Variants in HMOX2 observed in about 807,000 individuals in gnomAD.
HMOX2 encodes the protein heme oxygenase (decycling) 2.
HMOX2 carries 30 observed loss-of-function variants against 33.7 expected under a neutral mutation model. The observed-to-expected ratio is 0.89, with a 90% CI of 0.67 to 1.21. The LOEUF (loss-of-function observed/expected upper bound fraction) is 1.21, where lower values mean the gene tolerates loss of function less well. Among genes scored for constraint, HMOX2 ranks in the 50% most tolerant of loss-of-function variants. HMOX2 has a pLI of 0.00. For synonymous variants in HMOX2, 155 were observed against 155.0 expected, an observed-to-expected ratio of 1.00 and a Z score of 0.00; for missense variants, 403 against 399.1, an observed-to-expected ratio of 1.01 and a Z score of -0.08.
intron 2 of HMOX2, among the ~76,000 whole-genome samples, chr16:4,506,084 A>G (rs1441301293): frequency 6.6e-6 from 1 of 151,284 alleles, no homozygotes; most frequent in Non-Finnish European, 1.5e-5. Context: ...TTTTTTTTTT[A>G]TCCCTTGAAA....
rs867378191 is a variant in HMOX2 at position 4,509,825 on chromosome 16, G to A, written c.*69G>A. On this transcript the variant is annotated 3_prime_UTR_variant, in exon 6 of 6. Transcript: ENST00000570646. ...CTGGCCTACCCCTTTCTCCAGCCCTGACTAAACTACCACCTCAGGTGACTT... is the reference window on the plus strand; with the variant it reads ...CTGGCCTACCCCTTTCTCCAGCCCTAACTAAACTACCACCTCAGGTGACTT... The A allele has an allele frequency of 2.2e-5, 34 of 1,515,732 alleles. No homozygotes were observed. Among genetic ancestry groups the A allele is most frequent in the Middle Eastern group, 4.7e-4 (2 of 4,230 alleles). 93.9% of individuals were successfully genotyped at this position (1,515,732 alleles called of 1,614,324 possible). A position where few individuals can be genotyped will look rare whatever the true frequency, so the allele number is the denominator to read the frequency against.
chr16:4,508,568 A>C (rs1479991047), intron 4 of HMOX2, among the ~76,000 whole-genome samples: 5 of 152,182 alleles, frequency 3.3e-5, no homozygotes, highest in Non-Finnish European at 7.3e-5. Flanking sequence ...AAGTTAATAG[A>C]GAGCCAGTGC....
chr16:4,505,763 T>C (rs568513175), intron 2 of HMOX2, among the ~76,000 whole-genome samples, 153 bp downstream of exon 2: 1 of 152,350 alleles, frequency 6.6e-6, no homozygotes, highest in African/African-American at 2.4e-5. Context: ...AGGGACCGCA[T>C]ACAGCTTCGG....
chr16:4,484,460 C>CTTTTTTTT (rs58092240), intron 1 of HMOX2, among the ~76,000 whole-genome samples: 2 of 118,294 alleles, frequency 1.7e-5, no homozygotes, highest in Non-Finnish European at 1.7e-5. Context: ...CTTTTCTTTT[C>CTTTTTTTT]TTTTTTTTTT....
chr16:4,484,432 T>C (rs1278622954), intron 1 of HMOX2, among the ~76,000 whole-genome samples: 1 of 150,980 alleles, frequency 6.6e-6, no homozygotes, highest in African/African-American at 2.4e-5. Context: ...GGTACCAAGA[T>C]CCAGGATGCT....
chr16:4,477,185 C>A (rs1333059126), intron 1 of HMOX2, among the ~76,000 whole-genome samples: 1 of 152,078 alleles, frequency 6.6e-6, no homozygotes, highest in Non-Finnish European at 1.5e-5. Context: ...TTGCACGAGG[C>A]CTGCCTGTGT....
intron 1 of HMOX2, among the ~76,000 whole-genome samples, chr16:4,490,288 C>T (rs1196928252): frequency 6.6e-6 from 1 of 152,132 alleles, no homozygotes; most frequent in Non-Finnish European, 1.5e-5. Context: ...CTGACTGAAG[C>T]AGGGTATGGG....
Position 4,506,941 on chromosome 16 carries a change from C to T in HMOX2, c.133C>T (p.His45Tyr), listed in dbSNP as rs778442977. The change falls in exon 3 of 6, where the codon CAC becomes TAC. Residue 45 changes from histidine (H) to tyrosine (Y), a missense_variant. Physicochemically the swap from His to Tyr is moderately conservative, Grantham distance 83 (BLOSUM62 2). Transcript: ENST00000570646. The stretch of plus-strand genomic sequence containing the variant: ...CCTGAAGGAAGGGACCAAGGAAGCA[C>T]ACGACCGGGCAGAAAACACCCAGTT... ...ELLKEGTKEA[H>Y]DRAENTQFVK... 1.9e-6 allele frequency: 3 copies of T among 1,613,990 alleles called. No individual in the cohort carries two copies. The African/African-American group carries it at 4.0e-5, about 22-fold the overall frequency.
intron 1 of HMOX2, among the ~76,000 whole-genome samples, chr16:4,487,001 T>A (rs998612326): frequency 1.3e-5 from 2 of 152,230 alleles, no homozygotes; most frequent in Non-Finnish European, 2.9e-5. Flanking sequence ...GGCCCACGCC[T>A]GTAATCCCAG....
chr16:4,505,574 A>G lies in HMOX2; in HGVS notation c.50A>G (p.Lys17Arg). The G allele has an allele frequency of 6.2e-7, 1 of 1,603,934 alleles. No homozygotes were observed. Among genetic ancestry groups the G allele is most frequent in the Non-Finnish European group, 8.5e-7 (1 of 1,174,626 alleles). Residue 17 changes from lysine to arginine, a missense_variant, in exon 2 of 6, where the codon AAG becomes AGG. Coordinates refer to ENST00000570646, the MANE Select transcript of HMOX2 (RefSeq NM_002134.4). ...GAGGGGGTAGACGAGTCAGAAAAAAAGAACTCTGGGGCCCTAGAAAAGGAG... is the reference window on the plus strand; with the variant it reads ...GAGGGGGTAGACGAGTCAGAAAAAAGGAACTCTGGGGCCCTAGAAAAGGAG... ...TSEGVDESEKKNSGALEKENQ... is the reference protein window; with the variant it reads ...TSEGVDESEKRNSGALEKENQ...
At chr16:4,489,805 T>C (rs2058262471) in intron 1 of HMOX2, among the ~76,000 whole-genome samples, 1 of 152,002 alleles carries the variant, frequency 6.6e-6, no homozygotes, top group Non-Finnish European at 1.5e-5. Context: ...GCAACAGAGA[T>C]CTCCATATGT....
chr16:4,476,851 G>C (rs1245267696), intron 1 of HMOX2, among the ~76,000 whole-genome samples: 1 of 152,232 alleles, frequency 6.6e-6, no homozygotes, highest in Non-Finnish European at 1.5e-5. Context: ...GTGACCCCCG[G>C]GGTCGTAGCT....
chr16:4,480,658 T>TC (rs2058001397), intron 1 of HMOX2, among the ~76,000 whole-genome samples: 1 of 150,332 alleles, frequency 6.7e-6, no homozygotes, highest in East Asian at 2.0e-4. Context: ...ACTATTTTTT[T>TC]TTTTTTTTTT....
rs756560446 is a variant in HMOX2 at position 4,508,149 on chromosome 16, A to G, written c.641A>G (p.Lys214Arg). The G allele has an allele frequency of 1.2e-6, 2 of 1,613,888 alleles. No homozygotes were observed. The highest frequency in any genetic ancestry group is 1.7e-6 in the Non-Finnish European group (2 of 1,179,912). ...ARMNALDLNMKTKERIVEEAN... is the reference protein window; with the variant it reads ...ARMNALDLNMRTKERIVEEAN... ...ATGAACGCCCTGGACCTGAACATGAAGACCAAAGAGAGGATCGTGGAGGAG... is the reference window on the plus strand; with the variant it reads ...ATGAACGCCCTGGACCTGAACATGAGGACCAAAGAGAGGATCGTGGAGGAG... Residue 214 changes from lysine (K) to arginine (R), a missense_variant, in exon 4 of 6, where the codon AAG (lysine) becomes AGG (arginine). Physicochemically the swap from Lys to Arg is conservative, Grantham distance 26. Transcript: ENST00000570646.
chr16:4,504,354 ATTTTTTTTTTT>A (rs34314976), intron 1 of HMOX2, among the ~76,000 whole-genome samples: 2 of 72,886 alleles, frequency 2.7e-5, no homozygotes, highest in South Asian at 4.6e-4. Context: ...GTAACTTTCA[ATTTTTTTTTTT>A]TTTTTTTTTT....
At position 4,509,483 on chromosome 16, in the gene HMOX2, C is replaced by G; in HGVS notation, c.768C>G (p.His256Gln). ...CCTTGGAGGATGGGTTCCCTGTACA[C>G]GATGGGAAAGGAGACATGCGTAAAT... ...RETLEDGFPVHDGKGDMRKCP... is the reference protein window; with the variant it reads ...RETLEDGFPVQDGKGDMRKCP... The change falls in exon 5 of 6, where the codon CAC becomes CAG. Residue 256 changes from histidine to glutamine, a missense_variant. Coordinates refer to ENST00000570646, the MANE Select transcript of HMOX2 (RefSeq NM_002134.4). 6.2e-7 allele frequency: 1 copy of G among 1,614,096 alleles called. No homozygotes were observed.
intron 1 of HMOX2, among the ~76,000 whole-genome samples, chr16:4,495,176 G>C (rs1031238197): frequency 1.3e-5 from 2 of 152,182 alleles, no homozygotes; most frequent in African/African-American, 4.8e-5. Flanking sequence ...TATATACTAA[G>C]GGAGGAAAAC....
At chr16:4,486,872 CT>C (rs927637018) in intron 1 of HMOX2, among the ~76,000 whole-genome samples, 2 of 152,268 alleles carry the variant, frequency 1.3e-5, no homozygotes, top group African/African-American at 4.8e-5. Flanking sequence ...AGCTCAGTCC[CT>C]TTTGGCCCCC....
At chr16:4,479,653 C>T (rs1210323389) in intron 1 of HMOX2, 3 of 150,698 alleles carry the variant, frequency 2.0e-5, no homozygotes, top group Non-Finnish European at 4.4e-5. Flanking sequence ...TTCTCAGTAA[C>T]TTTAAAAAGG....
Sources: allele counts gnomAD v4.1 joint callset (sites outside exome capture counted in the v4.1 genomes callset), GRCh38; gene constraint gnomAD v4.1.1; transcripts MANE v1.5; gene names NCBI Gene and HGNC (gene_info 2026-07-23, HGNC 2026-07-21).